Variants in PRKG1 observed in about 807,000 individuals in gnomAD.
The protein encoded by PRKG1 is protein kinase cGMP-dependent 1.
A neutral mutation model predicts 88.1 loss-of-function variants in PRKG1; 35 were observed. The ratio of observed to expected loss-of-function variants is 0.40; its 90% CI spans 0.30 to 0.53. The LOEUF is 0.53. PRKG1 is among the 20% of genes least tolerant of loss of function. PRKG1 has a pLI of 0.59. For missense variants in PRKG1, 540 were observed against 839.8 expected, an observed-to-expected ratio of 0.64 and a Z score of 4.41; for synonymous variants, 303 against 292.5, an observed-to-expected ratio of 1.04 and a Z score of -0.37.
At chr10:52,185,232 A>G (rs996512301) in intron 9 of PRKG1, among the ~76,000 whole-genome samples, 7 of 152,220 alleles carry the variant, frequency 4.6e-5, no homozygotes, top group African/African-American at 1.7e-4. Context: ...AAACATGACC[A>G]TTCCAAAAGG....
At chr10:51,636,417 TTTTA>T (rs1839657500) in intron 3 of PRKG1, among the ~76,000 whole-genome samples, 1 of 152,224 alleles carries the variant, frequency 6.6e-6, no homozygotes, top group African/African-American at 2.4e-5. Context: ...TCTGTTCATG[TTTTA>T]TTTAGTTACA....
intron 3 of PRKG1, among the ~76,000 whole-genome samples, chr10:51,800,019 GC>G: frequency 6.6e-6 from 1 of 152,042 alleles, no homozygotes; most frequent in East Asian, 1.9e-4. Flanking sequence ...TCTAGTAACT[GC>G]CATAATTTTG....
chr10:51,244,657 T>C (rs1190637143), intron 2 of PRKG1, among the ~76,000 whole-genome samples: 48 of 152,110 alleles, frequency 3.2e-4, no homozygotes, highest in Admixed American at 3.1e-3. Context: ...ATTTTCAAAT[T>C]ACTGGAAAAA....
At chr10:52,047,454 A>C (rs1256758660) in intron 5 of PRKG1, among the ~76,000 whole-genome samples, 1 of 152,180 alleles carries the variant, frequency 6.6e-6, no homozygotes, top group Non-Finnish European at 1.5e-5. Flanking sequence ...CAGATGTGAT[A>C]GCTAACTGGC....
chr10:51,899,323 CAT>C lies in PRKG1; in HGVS notation c.699-8182_699-8181del, dbSNP rs1245880661. 4.0e-5 allele frequency among the ~76,000 whole-genome samples: 6 copies of C among 151,558 alleles called. No homozygotes were observed. In the East Asian group the frequency reaches 1.2e-3, roughly 29 times the overall value. On this transcript the variant is annotated intron_variant, in intron 4 of 17. Transcript: ENST00000373980. Reference sequence around the variant, plus strand: ...CAATAATAAACATATTATATTGTAACATAAAGTCTATTTTTAATTAAAATAAC... The same window carrying C: ...CAATAATAAACATATTATATTGTAACAAAGTCTATTTTTAATTAAAATAAC...
At chr10:51,356,925 T>C (rs1842378001) in intron 2 of PRKG1, among the ~76,000 whole-genome samples, 1 of 152,000 alleles carries the variant, frequency 6.6e-6, no homozygotes, top group African/African-American at 2.4e-5. Context: ...ATACATCCCT[T>C]AAATGTGTAG....
intron 4 of PRKG1, among the ~76,000 whole-genome samples, chr10:51,831,383 A>AC (rs1840002479): frequency 6.6e-6 from 1 of 152,012 alleles, no homozygotes; most frequent in African/African-American, 2.4e-5. Flanking sequence ...CCAGAAAAAA[A>AC]AAATCACTGG....
intron 8 of PRKG1, among the ~76,000 whole-genome samples, chr10:52,142,690 A>T (rs1837614769): frequency 6.6e-6 from 1 of 152,188 alleles, no homozygotes; most frequent in South Asian, 2.1e-4. Flanking sequence ...TTTAAATGAC[A>T]ATTTTATCAA....
Position 52,001,933 on chromosome 10 carries a change from G to A in PRKG1, c.763-52551G>A, listed in dbSNP as rs75957924. On this transcript the variant is annotated intron_variant, in intron 5 of 17. Coordinates refer to ENST00000373980, the MANE Select transcript of PRKG1 (RefSeq NM_006258.4). ...GTTACACAAAACACATGTGAAGTTG[G>A]GGCTGATTCTCTTCCTTTGGTATGG... is the stretch of plus-strand genomic sequence containing the variant. Among the ~76,000 whole-genome samples, 1,279 of 151,894 alleles carry A rather than the reference G, an allele frequency of 8.4e-3. 25 individuals carry two copies. The highest frequency in any genetic ancestry group is 0.029 in the African/African-American group (1,218 of 41,488).
At chr10:51,400,561 G>A (rs1837709536) in intron 2 of PRKG1, among the ~76,000 whole-genome samples, 1 of 152,164 alleles carries the variant, frequency 6.6e-6, no homozygotes, top group Non-Finnish European at 1.5e-5. Flanking sequence ...AAACTGAAGT[G>A]TAAAAATTTT....
chr10:52,148,957 C>CTTT (rs71904885), intron 8 of PRKG1, among the ~76,000 whole-genome samples: 924 of 55,158 alleles, frequency 0.017, 97 homozygotes, highest in African/African-American at 0.066. Context: ...GATAGTTTTG[C>CTTT]TTTTTTTTTT....
intron 5 of PRKG1, among the ~76,000 whole-genome samples, chr10:51,929,956 A>G (rs1310075578): frequency 1.3e-5 from 2 of 152,180 alleles, no homozygotes; most frequent in Non-Finnish European, 2.9e-5. Flanking sequence ...TAGAAGCGTT[A>G]TTGGAAATCT....
chr10:51,979,361 G>A (rs1843933668), intron 5 of PRKG1, among the ~76,000 whole-genome samples: 1 of 116,432 alleles, frequency 8.6e-6, no homozygotes, highest in Non-Finnish European at 1.8e-5. Context: ...TGGTTTGACA[G>A]TATTTTGTTG....
At chr10:51,252,961 T>C (rs1839464934) in intron 2 of PRKG1, among the ~76,000 whole-genome samples, 1 of 151,822 alleles carries the variant, frequency 6.6e-6, no homozygotes, top group South Asian at 2.1e-4. Context: ...AGATGAGCCA[T>C]GTGTGATTAT....
In PRKG1 at chr10:52,143,612, A is replaced by AAAGG. The variant is rs1471296408; in HGVS notation, c.1001+9708_1001+9709insAGGA. Among the ~76,000 whole-genome samples, 3 of 152,106 alleles carry AAAGG rather than the reference A, an allele frequency of 2.0e-5. No homozygotes were observed. The East Asian group carries it at 5.8e-4, about 29-fold the overall frequency. On this transcript the variant is annotated intron_variant, in intron 8 of 17. Coordinates refer to ENST00000373980, the MANE Select transcript of PRKG1 (RefSeq NM_006258.4). ...AAGCTCTGTAAAGGGAGAGCTTTAA[A>AAAGG]ACCACCTGAGGGGAAGTCCGCTGGG...
At chr10:51,176,427 C>T (rs1252063432) in intron 2 of PRKG1, among the ~76,000 whole-genome samples, 1 of 151,968 alleles carries the variant, frequency 6.6e-6, no homozygotes, top group African/African-American at 2.4e-5. Flanking sequence ...ATGAGCCAGG[C>T]ACCATGCTAG....
intron 5 of PRKG1, among the ~76,000 whole-genome samples, chr10:52,037,196 T>C (rs1282652323): frequency 1.3e-5 from 2 of 152,190 alleles, no homozygotes; most frequent in African/African-American, 4.8e-5. Flanking sequence ...AGGCATTCCT[T>C]GGCCCAGTGG....
At chr10:52,068,516 T>C (rs1054947197) in intron 7 of PRKG1, among the ~76,000 whole-genome samples, 1 of 152,178 alleles carries the variant, frequency 6.6e-6, no homozygotes, top group African/African-American at 2.4e-5. Context: ...ATTTCTTTTA[T>C]CTGAAATGGG....
intron 9 of PRKG1, among the ~76,000 whole-genome samples, chr10:52,215,722 CA>C (rs1319079228): frequency 3.3e-5 from 5 of 152,072 alleles, no homozygotes; most frequent in Admixed American, 6.6e-5. Flanking sequence ...TATTAATATA[CA>C]TTTTTATAAT....
Sources: allele counts gnomAD v4.1 joint callset (sites outside exome capture counted in the v4.1 genomes callset), GRCh38; gene constraint gnomAD v4.1.1; transcripts MANE v1.5; gene names NCBI Gene and HGNC (gene_info 2026-07-23, HGNC 2026-07-21).